The following TNRC6A variants were observed in gnomAD, a reference collection of about 807,000 sequenced individuals.
TNRC6A encodes trinucleotide repeat-containing gene 6A protein.
A neutral mutation model predicts 221.2 loss-of-function variants in TNRC6A; 44 were observed. The observed-to-expected ratio is 0.20, with a 90% CI of 0.16 to 0.26. The LOEUF is 0.26. Among genes scored for constraint, TNRC6A ranks in the 10% least tolerant of loss-of-function variants. The probability of loss-of-function intolerance (pLI) is 1.00; values close to 1 mark genes in which losing one functional copy is unlikely to be tolerated. For missense variants in TNRC6A, 2,199 were observed against 2,404.4 expected, an observed-to-expected ratio of 0.91 and a Z score of 1.79; for synonymous variants, 847 against 838.5, an observed-to-expected ratio of 1.01 and a Z score of -0.18.
chr16:24,744,202 C>G (rs1337432721), intron 2 of TNRC6A, among the ~76,000 whole-genome samples: 2 of 152,166 alleles, frequency 1.3e-5, no homozygotes, highest in Non-Finnish European at 1.5e-5. Context: ...GTTCTCAGTA[C>G]ATCATGTCAG....
At chr16:24,807,008 C>CTTT (rs770899112) in intron 17 of TNRC6A, among the ~76,000 whole-genome samples, 9 of 141,074 alleles carry the variant, frequency 6.4e-5, no homozygotes, top group Non-Finnish European at 1.4e-4. Context: ...CTTTCCTTTT[C>CTTT]TTTTTTTTTT....
intron 22 of TNRC6A, chr16:24,821,812 C>G: frequency 2.0e-6 from 1 of 496,304 alleles, no homozygotes; most frequent in Non-Finnish European, 3.6e-6. Flanking sequence ...CAAAAAGATG[C>G]AGCCTTTTGT....
chr16:24,748,635 C>T (rs2057067087), intron 2 of TNRC6A, among the ~76,000 whole-genome samples: 1 of 152,134 alleles, frequency 6.6e-6, no homozygotes, highest in South Asian at 2.1e-4. Context: ...TAATGTCATT[C>T]ATTTCATTTT....
intron 2 of TNRC6A, among the ~76,000 whole-genome samples, chr16:24,734,294 C>T (rs566394289): frequency 3.3e-5 from 5 of 152,116 alleles, no homozygotes; most frequent in Non-Finnish European, 7.3e-5. Context: ...TAGGAATCTT[C>T]ATCATGGGTG....
At chr16:24,772,710 G>A (rs750333639) in intron 4 of TNRC6A, among the ~76,000 whole-genome samples, 13 of 151,998 alleles carry the variant, frequency 8.6e-5, no homozygotes, top group Non-Finnish European at 1.9e-4. Context: ...TTGAACCAGG[G>A]AGGTGGAGGT....
At chr16:24,787,066 A>G (rs1447903432) in intron 5 of TNRC6A, among the ~76,000 whole-genome samples, 2 of 152,218 alleles carry the variant, frequency 1.3e-5, no homozygotes, top group Admixed American at 1.3e-4. Flanking sequence ...AGTAAATGGT[A>G]GAGTGCCTCT....
chr16:24,613,359 C>T lies in TNRC6A; in HGVS notation n.276+2875C>T, dbSNP rs142351230. Reference sequence around the variant, plus strand: ...ATGTTTCAGACTGTGTTAGATGAGGCCATCCAGATTATGTGGAGCTCCAAA... The same window carrying T: ...ATGTTTCAGACTGTGTTAGATGAGGTCATCCAGATTATGTGGAGCTCCAAA... On this transcript the variant is annotated intron_variant and non_coding_transcript_variant, in intron 1 of 2. Transcript: ENST00000566108. Among the ~76,000 whole-genome samples the T allele has an allele frequency of 1.8e-4, 27 of 151,814 alleles. No individual in the cohort carries two copies. The East Asian group carries it at 4.1e-3, about 23-fold the overall frequency.
At chr16:24,781,846 A>G (rs184936256) in intron 5 of TNRC6A, among the ~76,000 whole-genome samples, 1 of 147,042 alleles carries the variant, frequency 6.8e-6, no homozygotes, top group East Asian at 2.0e-4. Context: ...TTTTTTTGAG[A>G]TGGAGTCTCG....
chr16:24,729,381 AAGGAGGAGG>A (rs1460521543), upstream of TNRC6A, among the ~76,000 whole-genome samples: 3 of 144,106 alleles, frequency 2.1e-5, no homozygotes, highest in East Asian at 6.3e-4. Context: ...CGCAGCAAAG[AAGGAGGAGG>A]AGGGGAGGGA....
rs751710815 is a variant in TNRC6A, at chr16:24,815,280, C to T, written c.4806C>T (p.Gly1602=). The T allele has an allele frequency of 7.4e-6, 12 of 1,614,104 alleles. No homozygotes were observed. The highest frequency in any genetic ancestry group is 1.0e-5 in the Non-Finnish European group (12 of 1,180,054). The stretch of plus-strand genomic sequence containing the variant: ...GGCCACGTGCCAAATCGCCTAACGG[C>T]TCTAGCAGTGTTAATTGGCCACCAG... ...DGWPRAKSPN[G]SSSVNWPPEF... is the part of the protein sequence containing the mutation. Residue 1602 remains glycine, a synonymous_variant, in exon 19 of 25, where the codon GGC becomes GGT. Transcript: ENST00000395799.
chr16:24,655,433 A>G (rs1261653451), intron 2 of TNRC6A, among the ~76,000 whole-genome samples: 1 of 152,238 alleles, frequency 6.6e-6, no homozygotes, highest in African/African-American at 2.4e-5. Context: ...TCATGCCTGT[A>G]ATCCCAGCAC....
In TNRC6A at chr16:24,791,418, C is replaced by G; in HGVS notation, c.2776C>G (p.Pro926Ala). ...TCCTTCCCAGGGATGGGGAGACCCT[C>G]CAAAGTCTAATCAGTCTCTAGGTTG... Reference protein sequence around the residue: ...PTPSQGWGDPPKSNQSLGWGD... With the variant: ...PTPSQGWGDPAKSNQSLGWGD... The change falls in exon 6 of 25, where the codon CCA (proline) becomes GCA (alanine). Residue 926 changes from proline (P) to alanine (A), a missense_variant. By Grantham distance (27) the Pro-to-Ala change is conservative (BLOSUM62 -1). Coordinates refer to ENST00000395799, the MANE Select transcript of TNRC6A (RefSeq NM_014494.4). 6.4e-7 allele frequency: 1 copy of G among 1,553,936 alleles called. No individual in the cohort carries two copies. The highest frequency in any genetic ancestry group is 1.3e-5 in the South Asian group (1 of 79,172).
intron 2 of TNRC6A, among the ~76,000 whole-genome samples, chr16:24,731,272 G>A (rs2056634251): frequency 6.6e-6 from 1 of 151,922 alleles, no homozygotes; most frequent in Non-Finnish European, 1.5e-5. Flanking sequence ...GTTTGCTCTT[G>A]ATGATTGCGG....
At chr16:24,625,406 G>A (rs1378843220) in intron 1 of TNRC6A, among the ~76,000 whole-genome samples, 2 of 152,168 alleles carry the variant, frequency 1.3e-5, no homozygotes, top group Non-Finnish European at 2.9e-5. Context: ...AAGGTCAGGA[G>A]TTCGAGACCA....
At chr16:24,696,248 T>A (rs1433484075) in intron 2 of TNRC6A, among the ~76,000 whole-genome samples, 4 of 149,650 alleles carry the variant, frequency 2.7e-5, no homozygotes, top group Non-Finnish European at 5.9e-5. Context: ...CTCGGGAGGC[T>A]GAGGCAGGAG....
chr16:24,645,429 G>A (rs1902221330), intron 2 of TNRC6A, among the ~76,000 whole-genome samples: 1 of 151,768 alleles, frequency 6.6e-6, no homozygotes, highest in South Asian at 2.1e-4. Context: ...GGCAGAGGTT[G>A]CAGTGAGCCA....
intron 5 of TNRC6A, among the ~76,000 whole-genome samples, chr16:24,785,730 T>A (rs1380225820): frequency 6.6e-6 from 1 of 152,214 alleles, no homozygotes; most frequent in Non-Finnish European, 1.5e-5. Context: ...TTCTTTATTT[T>A]CCATTTGGGT....
chr16:24,767,505 A>G (rs56948900), intron 4 of TNRC6A, among the ~76,000 whole-genome samples: 4,610 of 152,306 alleles, frequency 0.03, 244 homozygotes, highest in African/African-American at 0.1. Context: ...AAAAATACAC[A>G]TCAGTATTTT....
rs35953681 is a variant in TNRC6A, at chr16:24,780,274, C to G, written c.589+2916C>G. On this transcript the variant is annotated intron_variant, in intron 5 of 24. Coordinates refer to ENST00000395799, the MANE Select transcript of TNRC6A (RefSeq NM_014494.4). ...ACTTGACACACCTCTCTTTCTCTCT[C>G]TCATATATGCATGCATGTGCACATT... 3.1e-3 allele frequency among the ~76,000 whole-genome samples: 478 copies of G among 152,272 alleles called. 1 individual carries two copies. The highest frequency in any genetic ancestry group is 5.6e-3 in the Admixed American group (85 of 15,298).
Sources: gnomAD v4.1 joint callset for allele counts (sites outside exome capture counted in the v4.1 genomes callset) on GRCh38, gnomAD v4.1.1 for gene constraint, MANE v1.5 for transcripts, NCBI Gene and HGNC (gene_info 2026-07-23, HGNC 2026-07-21) for gene names.